HS6ST2: variants seen among roughly 807,000 people sequenced by gnomAD.
HS6ST2 encodes heparan-sulfate 6-O-sulfotransferase 2.
A neutral mutation model predicts 33.0 loss-of-function variants in HS6ST2; 17 were observed. That is an observed-to-expected ratio of 0.52 (90% CI 0.35 to 0.77). The LOEUF (loss-of-function observed/expected upper bound fraction) is 0.77, where lower values mean the gene tolerates loss of function less well. HS6ST2 is among the 30% of genes least tolerant of loss of function. The pLI, the probability that HS6ST2 is intolerant of heterozygous loss-of-function variation, is 0.01. For missense variants in HS6ST2, 519 were observed against 551.7 expected (o/e 0.94, Z 0.59); for synonymous variants, 248 against 237.1 (o/e 1.05, Z -0.42).
intron 2 of HS6ST2, among the ~76,000 whole-genome samples, chrX:132,807,036 A>G (rs1217338063): frequency 9.1e-6 from 1 of 110,437 alleles, no homozygotes; most frequent in Non-Finnish European, 1.9e-5. Flanking sequence ...CCAAGACTGC[A>G]CAGCTACTAA....
At chrX:132,868,125 G>A (rs183406391) in intron 2 of HS6ST2, among the ~76,000 whole-genome samples, 79 of 111,308 alleles carry the variant, frequency 7.1e-4, no homozygotes, top group African/African-American at 2.5e-3. Context: ...ACAAAGAAAG[G>A]GTTGCAATCC....
intron 4 of HS6ST2, among the ~76,000 whole-genome samples, chrX:132,644,824 C>T (rs1447107610): frequency 1.8e-5 from 2 of 111,111 alleles, no homozygotes; most frequent in Non-Finnish European, 1.9e-5. Flanking sequence ...GGCCCTGAAA[C>T]GAGTCCCAAA....
At chrX:132,828,713 C>T (rs187964591) in intron 2 of HS6ST2, among the ~76,000 whole-genome samples, 19,268 of 78,621 alleles carry the variant, frequency 0.25, 3,207 homozygotes, top group African/African-American at 0.29. Context: ...CACACACACA[C>T]ACACACACAC....
At chrX:132,790,238 A>C (rs886164146) in intron 2 of HS6ST2, among the ~76,000 whole-genome samples, 1 of 112,183 alleles carries the variant, frequency 8.9e-6, no homozygotes, top group African/African-American at 3.2e-5. Context: ...ATTAGTCAGC[A>C]ACCATGCACA....
At chrX:132,721,484 C>T (rs1367560436) in intron 2 of HS6ST2, among the ~76,000 whole-genome samples, 2 of 111,787 alleles carry the variant, frequency 1.8e-5, no homozygotes, top group African/African-American at 6.5e-5. Context: ...AGAGGAAAAA[C>T]CTGTCTTCAA....
chrX:132,910,580 T>A (rs375730469), intron 2 of HS6ST2, among the ~76,000 whole-genome samples: 4 of 111,871 alleles, frequency 3.6e-5, no homozygotes, highest in Non-Finnish European at 7.5e-5. Context: ...CCTTCACTAA[T>A]CCCATTGATG....
intron 2 of HS6ST2, among the ~76,000 whole-genome samples, chrX:132,945,259 C>T (rs905727322): frequency 4.5e-5 from 5 of 112,212 alleles, no homozygotes; most frequent in Admixed American, 1.9e-4. Context: ...AAAAAATGCT[C>T]ATCATCACTG....
chrX:132,861,599 T>G (rs1015358954), intron 2 of HS6ST2, among the ~76,000 whole-genome samples: 20 of 112,700 alleles, frequency 1.8e-4, no homozygotes, highest in African/African-American at 6.4e-4. Context: ...TCTTAAATGT[T>G]TGCTAATTCA....
At chrX:132,920,080 G>A (rs768215740) in intron 2 of HS6ST2, among the ~76,000 whole-genome samples, 2 of 111,664 alleles carry the variant, frequency 1.8e-5, no homozygotes, top group African/African-American at 6.5e-5. Context: ...CCAGCAGTGG[G>A]AGGTAGACGG....
At chrX:132,711,727 G>A (rs1388696048) in intron 2 of HS6ST2, among the ~76,000 whole-genome samples, 1 of 112,043 alleles carries the variant, frequency 8.9e-6, no homozygotes, top group African/African-American at 3.2e-5. Flanking sequence ...AAATTTAAAT[G>A]CAGCTGAACA....
At chrX:132,937,106 T>C (rs1039281961) in intron 2 of HS6ST2, among the ~76,000 whole-genome samples, 6 of 111,471 alleles carry the variant, frequency 5.4e-5, no homozygotes, top group African/African-American at 2.0e-4. Flanking sequence ...AGTAATTCCA[T>C]TTATAGCAGC....
At chrX:132,879,014 G>T (rs2066137534) in intron 2 of HS6ST2, among the ~76,000 whole-genome samples, 1 of 111,027 alleles carries the variant, frequency 9.0e-6, no homozygotes, top group African/African-American at 3.3e-5. Flanking sequence ...TGCCCCAGTT[G>T]GTCAAGTTCC....
chrX:132,626,749 C>T lies in HS6ST2; in HGVS notation c.*1474G>A, dbSNP rs1451102706. The T allele has an allele frequency of 8.9e-6, 1 of 111,733 alleles. No individual in the cohort carries two copies. The highest frequency in any genetic ancestry group is 1.9e-5 in the Non-Finnish European group (1 of 53,129). The allele number at this position is 111,733 out of a possible 1,213,427, so 9.2% of individuals were successfully genotyped here. A position where few individuals can be genotyped will look rare whatever the true frequency, so the allele number is the denominator to read the frequency against. On this transcript the variant is annotated 3_prime_UTR_variant, in exon 5 of 5. Coordinates refer to ENST00000370833, the MANE Select transcript of HS6ST2 (RefSeq NM_001394073.1). The stretch of plus-strand genomic sequence containing the variant: ...GTCCTTGCATAAGTATAGCAAAATC[C>T]ACAGTAAAATGAAAACTGCCCGGAA...
At chrX:132,668,079 A>C (rs1316042230) in intron 4 of HS6ST2, among the ~76,000 whole-genome samples, 1 of 112,226 alleles carries the variant, frequency 8.9e-6, no homozygotes, top group East Asian at 2.8e-4. Flanking sequence ...AAAGGCAGCC[A>C]GTAGATCTTT....
At chrX:132,899,191 T>C (rs1368197292) in intron 2 of HS6ST2, among the ~76,000 whole-genome samples, 1 of 111,513 alleles carries the variant, frequency 9.0e-6, no homozygotes, top group African/African-American at 3.3e-5. Flanking sequence ...TAAAGAAATA[T>C]GATAAAATAA....
intron 2 of HS6ST2, among the ~76,000 whole-genome samples, chrX:132,851,974 CTACAAAAAACTT>C (rs2065806638): frequency 9.0e-6 from 1 of 110,890 alleles, no homozygotes; most frequent in Admixed American, 9.6e-5. Context: ...GACCGTGTCT[CTACAAAAAACTT>C]TAAAACTTAG....
intron 4 of HS6ST2, among the ~76,000 whole-genome samples, chrX:132,641,997 C>T (rs1262827101): frequency 8.9e-6 from 1 of 112,055 alleles, no homozygotes; most frequent in Non-Finnish European, 1.9e-5. Flanking sequence ...GACCATACTT[C>T]GTATTCTACG....
intron 2 of HS6ST2, among the ~76,000 whole-genome samples, chrX:132,863,798 C>T (rs1215365644): frequency 8.9e-6 from 1 of 111,846 alleles, no homozygotes; most frequent in Non-Finnish European, 1.9e-5. Flanking sequence ...GTATCCACTG[C>T]AAACAAGAAC....
intron 2 of HS6ST2, among the ~76,000 whole-genome samples, chrX:132,851,227 T>A (rs967533349): frequency 8.0e-5 from 9 of 112,098 alleles, no homozygotes; most frequent in Non-Finnish European, 1.9e-5. Flanking sequence ...AAATTTAGTA[T>A]TAATCAAGTT....
Sources: allele counts gnomAD v4.1 joint callset (sites outside exome capture counted in the v4.1 genomes callset), GRCh38; gene constraint gnomAD v4.1.1; transcripts MANE v1.5; gene names NCBI Gene and HGNC (gene_info 2026-07-23, HGNC 2026-07-21).